PDE4B: variants seen among roughly 807,000 people sequenced by gnomAD.
The protein encoded by PDE4B is phosphodiesterase 4B.
PDE4B carries 20 observed loss-of-function variants against 82.2 expected under a neutral mutation model. That is an observed-to-expected ratio of 0.24 (90% CI 0.17 to 0.35). The LOEUF is 0.35. Ranked by LOEUF, PDE4B falls within the 10% of genes least tolerant of loss-of-function variation. The pLI, the probability that PDE4B is intolerant of heterozygous loss-of-function variation, is 1.00. For missense variants in PDE4B, 655 were observed against 907.2 expected (o/e 0.72, Z 3.57); for synonymous variants, 320 against 318.9 (o/e 1.00, Z -0.04).
intron 3 of PDE4B, among the ~76,000 whole-genome samples, chr1:65,999,507 C>G (rs551019655): frequency 1.3e-5 from 2 of 152,162 alleles, no homozygotes; most frequent in Non-Finnish European, 2.9e-5. Context: ...GATGTTAACA[C>G]GGTTTCTCCT....
chr1:65,925,358 A>T (rs917686392), intron 3 of PDE4B, among the ~76,000 whole-genome samples: 18 of 152,158 alleles, frequency 1.2e-4, no homozygotes, highest in Non-Finnish European at 2.2e-4. Context: ...ACTACTATTT[A>T]AAAAAACTTT....
chr1:65,969,482 C>T (rs1171917979), intron 3 of PDE4B, among the ~76,000 whole-genome samples: 2 of 152,148 alleles, frequency 1.3e-5, no homozygotes, highest in Admixed American at 1.3e-4. Context: ...GAGTTGTTTT[C>T]AGGCATTAGC....
At chr1:65,983,175 A>G (rs1212749937) in intron 3 of PDE4B, among the ~76,000 whole-genome samples, 1 of 152,224 alleles carries the variant, frequency 6.6e-6, no homozygotes, top group Non-Finnish European at 1.5e-5. Flanking sequence ...GTATTTTCAA[A>G]TCAGATAACT....
At chr1:66,099,718 G>A (rs767069346) in intron 3 of PDE4B, among the ~76,000 whole-genome samples, 8 of 152,072 alleles carry the variant, frequency 5.3e-5, no homozygotes, top group Non-Finnish European at 1.0e-4. Flanking sequence ...ATTTATCTCA[G>A]TCCCAAGCAC....
At chr1:66,110,763 T>G (rs1026052177) in intron 3 of PDE4B, among the ~76,000 whole-genome samples, 1 of 152,104 alleles carries the variant, frequency 6.6e-6, no homozygotes, top group African/African-American at 2.4e-5. Flanking sequence ...ACTCCTAGTA[T>G]GTAGTAAGCA....
At chr1:66,199,380 C>T (rs1469888215) in intron 3 of PDE4B, among the ~76,000 whole-genome samples, 1 of 152,110 alleles carries the variant, frequency 6.6e-6, no homozygotes, top group Non-Finnish European at 1.5e-5. Context: ...AGCATTTTTT[C>T]ATGTGTTTTT....
Position 66,005,819 on chromosome 1 carries a change from G to A in PDE4B, c.281+86984G>A, listed in dbSNP as rs538735398. Reference sequence around the variant, plus strand: ...AGCTATCTTCATGAATACAGTGCTTGCTTGGGATTCAAGGGATTTGAGTTT... The same window carrying A: ...AGCTATCTTCATGAATACAGTGCTTACTTGGGATTCAAGGGATTTGAGTTT... On this transcript the variant is annotated intron_variant, in intron 3 of 16. Transcript: ENST00000341517. Among the ~76,000 whole-genome samples the A allele has an allele frequency of 2.6e-5, 4 of 152,150 alleles. No individual in the cohort carries two copies. The South Asian group carries it at 8.3e-4, about 32-fold the overall frequency.
chr1:66,173,111 A>T (rs1240510401), intron 3 of PDE4B, among the ~76,000 whole-genome samples: 1 of 152,212 alleles, frequency 6.6e-6, no homozygotes, highest in African/African-American at 2.4e-5. Flanking sequence ...GGTGACCCAT[A>T]ATCAGAATTT....
intron 7 of PDE4B, among the ~76,000 whole-genome samples, chr1:66,278,402 T>G (rs1656047129): frequency 6.6e-6 from 1 of 152,230 alleles, no homozygotes; most frequent in African/African-American, 2.4e-5. Context: ...CAATCTGGAC[T>G]GCCATCTGCA....
At chr1:66,103,929 A>T (rs905801895) in intron 3 of PDE4B, among the ~76,000 whole-genome samples, 7 of 151,770 alleles carry the variant, frequency 4.6e-5, no homozygotes, top group Non-Finnish European at 7.4e-5. Flanking sequence ...TTATTTTTTT[A>T]TTATTTCTTT....
intron 3 of PDE4B, among the ~76,000 whole-genome samples, chr1:65,948,455 G>A (rs902924143): frequency 2.0e-5 from 3 of 151,998 alleles, no homozygotes; most frequent in Admixed American, 2.0e-4. Context: ...TTCAAGGGCA[G>A]GAAGTATCCA....
chr1:66,331,300 G>A (rs933195030), intron 7 of PDE4B, among the ~76,000 whole-genome samples: 3 of 152,164 alleles, frequency 2.0e-5, no homozygotes, highest in African/African-American at 7.2e-5. Context: ...TTGTATTTCA[G>A]AAATCTTGGT....
intron 6 of PDE4B, among the ~76,000 whole-genome samples, 181 bp from the exon 7 acceptor site, chr1:66,265,857 G>T (rs960209792): frequency 2.0e-5 from 3 of 152,328 alleles, no homozygotes; most frequent in East Asian, 1.9e-4. Context: ...CCATCTGGAT[G>T]TGAGAGAATT....
intron 16 of PDE4B, among the ~76,000 whole-genome samples, chr1:66,371,529 G>C (rs2050781160): frequency 6.6e-6 from 1 of 152,086 alleles, no homozygotes; most frequent in African/African-American, 2.4e-5. Context: ...TTTAATCACA[G>C]GAACATCAGC....
At chr1:66,198,992 T>G (rs1260990983) in intron 3 of PDE4B, among the ~76,000 whole-genome samples, 2 of 152,084 alleles carry the variant, frequency 1.3e-5, no homozygotes, top group Non-Finnish European at 2.9e-5. Context: ...TGCCACATTT[T>G]CTTAATCCAG....
chr1:66,194,162 CA>C (rs1648073183), intron 3 of PDE4B, among the ~76,000 whole-genome samples: 1 of 152,018 alleles, frequency 6.6e-6, no homozygotes, highest in Admixed American at 6.6e-5. Context: ...AGATGTTATT[CA>C]GCTCTCATCC....
At chr1:66,200,974 C>T (rs368536056) in intron 3 of PDE4B, among the ~76,000 whole-genome samples, 23 of 152,180 alleles carry the variant, frequency 1.5e-4, no homozygotes, top group Non-Finnish European at 2.9e-4. Context: ...ATGATATTGG[C>T]TGTGGGTTTG....
chr1:65,908,961 T>C (rs1647057356), intron 1 of PDE4B, among the ~76,000 whole-genome samples: 4 of 152,116 alleles, frequency 2.6e-5, no homozygotes, highest in Admixed American at 2.6e-4. Context: ...AAGATAAAAA[T>C]AGAGAGGAAG....
chr1:66,214,289 T>A (rs1419123055), intron 3 of PDE4B, among the ~76,000 whole-genome samples: 1 of 152,178 alleles, frequency 6.6e-6, no homozygotes, highest in Non-Finnish European at 1.5e-5. Context: ...AAAGGAAAGA[T>A]CAAAAGTATT....
Sources: gnomAD v4.1 joint callset for allele counts (sites outside exome capture counted in the v4.1 genomes callset) on GRCh38, gnomAD v4.1.1 for gene constraint, MANE v1.5 for transcripts, NCBI Gene and HGNC (gene_info 2026-07-23, HGNC 2026-07-21) for gene names.